TMPRSS6: variants seen among roughly 807,000 people sequenced by gnomAD.
TMPRSS6 encodes transmembrane protease serine 6.
A neutral mutation model predicts 101.5 loss-of-function variants in TMPRSS6; 67 were observed. The observed-to-expected ratio is 0.66, with a 90% CI of 0.54 to 0.81. The LOEUF is 0.81. Among genes scored for constraint, TMPRSS6 ranks in the 30% least tolerant of loss-of-function variants. TMPRSS6 has a pLI of 0.00. For missense variants in TMPRSS6, 1,034 were observed against 1,088.7 expected, an observed-to-expected ratio of 0.95 and a Z score of 0.71; for synonymous variants, 453 against 464.9, an observed-to-expected ratio of 0.97 and a Z score of 0.33.
At chr22:37,105,050 G>A (rs73884549) in intron 1 of TMPRSS6, among the ~76,000 whole-genome samples, 2 of 152,122 alleles carry the variant, frequency 1.3e-5, no homozygotes, top group African/African-American at 2.4e-5. Context: ...TTTACACAGC[G>A]GGTTTCCAAA....
At chr22:37,070,122 G>C (rs576354904) in intron 15 of TMPRSS6, among the ~76,000 whole-genome samples, 34 of 152,184 alleles carry the variant, frequency 2.2e-4, no homozygotes, top group Non-Finnish European at 4.0e-4. Context: ...ACCTCGGGGA[G>C]TGTCATAGCT....
At chr22:37,068,107 T>G (rs1926506024) in intron 16 of TMPRSS6, among the ~76,000 whole-genome samples, 1 of 152,100 alleles carries the variant, frequency 6.6e-6, no homozygotes, top group African/African-American at 2.4e-5. Context: ...TTCCTGCATC[T>G]CCCCATCCAT....
At chr22:37,068,735 G>C in intron 16 of TMPRSS6, 1 of 777,854 alleles carries the variant, frequency 1.3e-6, no homozygotes, top group Non-Finnish European at 2.4e-6. Context: ...CCTGGATGTG[G>C]AAAGTGCTAG....
chr22:37,078,717 CGGA>C (rs1377729887), intron 10 of TMPRSS6, among the ~76,000 whole-genome samples: 2 of 36,934 alleles, frequency 5.4e-5, no homozygotes, highest in South Asian at 5.0e-4. Context: ...AAGGAGGAGG[CGGA>C]GGAGAAGAAG....
intron 13 of TMPRSS6, 27 bp from the exon 14 acceptor site, chr22:37,071,059 C>T: frequency 6.2e-7 from 1 of 1,604,942 alleles, no homozygotes; most frequent in Non-Finnish European, 8.5e-7. Context: ...GGGGGCAGGG[C>T]ACAGAAGGTG....
chr22:37,068,810 G>T, intron 16 of TMPRSS6: 1 of 717,866 alleles, frequency 1.4e-6, no homozygotes, highest in African/African-American at 1.7e-5. Flanking sequence ...GTGGGCAGTG[G>T]CGTCCCAGAC....
Position 37,073,540 on chromosome 22 carries a change from C to A in TMPRSS6, c.1547G>T (p.Cys516Phe). 1 of 1,612,454 alleles carries A rather than the reference C, an allele frequency of 6.2e-7. No individual in the cohort carries two copies. Among genetic ancestry groups the A allele is most frequent in the Non-Finnish European group, 8.5e-7 (1 of 1,178,520 alleles). ...DCLNGSDEEQCQEGVPCGTFT... is the reference protein window; with the variant it reads ...DCLNGSDEEQFQEGVPCGTFT... ...GGCTAGGCCTGCCCTACCTTCCTGG[C>A]ACTGCTCTTCGTCGCTGCCGTTGAG... Residue 516 changes from cysteine to phenylalanine, a missense_variant, in exon 13 of 18, where the codon TGC becomes TTC. Physicochemically the swap from Cys to Phe is radical, Grantham distance 205. Transcript: ENST00000676104.
chr22:37,091,333 T>C (rs890537924), intron 6 of TMPRSS6, among the ~76,000 whole-genome samples: 8 of 152,164 alleles, frequency 5.3e-5, no homozygotes, highest in African/African-American at 1.9e-4. Context: ...TTTCTCTGCT[T>C]TAAATCGTCT....
chr22:37,070,528 A>C lies in TMPRSS6; in HGVS notation c.1797T>G (p.Ala599=). The change falls in exon 15 of 18, where the codon GCT becomes GCG. Residue 599 remains alanine (A), a synonymous_variant. Transcript: ENST00000676104. ...GGGCAGCTGTTATCACCCAGCGGTCAGCGATGAGGGCCCCCCCACAGATGT... is the reference window on the plus strand; with the variant it reads ...GGGCAGCTGTTATCACCCAGCGGTCCGCGATGAGGGCCCCCCCACAGATGT... The part of the protein sequence containing the change: ...GRHICGGALI[A]DRWVITAAHC... The C allele has an allele frequency of 1.2e-6, 2 of 1,613,416 alleles. No homozygotes were observed. The highest frequency in any genetic ancestry group is 1.7e-6 in the Non-Finnish European group (2 of 1,180,010).
At position 37,089,646 on chromosome 22, in the gene TMPRSS6, C is replaced by T; in HGVS notation, c.768G>A (p.Leu256=). 2 of 1,612,994 alleles carry T rather than the reference C, an allele frequency of 1.2e-6. No homozygotes were observed. Among genetic ancestry groups the T allele is most frequent in the Admixed American group, 1.7e-5 (1 of 59,976 alleles). The part of the protein sequence containing the change: ...LMLKLRLEWT[L]AECRDRLAMY... ...TGGCCAGTCGGTCCCGGCACTCTGC[C>T]AGCGTCCACTCCAGCCGGAGTTTGA... The change falls in exon 7 of 18, where the codon CTG becomes CTA. Residue 256 remains leucine, a synonymous_variant. Transcript: ENST00000676104.
chr22:37,103,531 TAAC>T lies in TMPRSS6; in HGVS notation c.-1-116_-1-114del, dbSNP rs1336523919. On this transcript the variant is annotated intron_variant, in intron 1 of 17. Coordinates refer to ENST00000676104, the MANE Select transcript of TMPRSS6 (RefSeq NM_001374504.1). The surrounding 1 kb of genome is among the most constrained non-coding windows in gnomAD (Gnocchi z 4.4). ...TTCCCTGCCTTTTGGAGTGGAAGAG[TAAC>T]AACATCAGGCGGCAGTGACTGCAAG... The T allele has an allele frequency of 1.2e-6, 2 of 1,613,678 alleles. No homozygotes were observed. The highest frequency in any genetic ancestry group is 1.7e-6 in the Non-Finnish European group (2 of 1,179,934).
chr22:37,091,355 C>T (rs1929244930), intron 6 of TMPRSS6, among the ~76,000 whole-genome samples: 1 of 152,166 alleles, frequency 6.6e-6, no homozygotes, highest in Non-Finnish European at 1.5e-5. Context: ...CTTTGGAAGG[C>T]CACAGGCAAG....
intron 17 of TMPRSS6, 90 bp downstream of exon 17, chr22:37,066,736 G>T: frequency 6.4e-7 from 1 of 1,567,850 alleles, no homozygotes; most frequent in East Asian, 2.3e-5. Flanking sequence ...GGAGGCTTCA[G>T]CAGGCTGATG....
intron 13 of TMPRSS6, among the ~76,000 whole-genome samples, chr22:37,072,618 ACGAT>A (rs754745017): frequency 0.019 from 2,071 of 111,450 alleles, 38 homozygotes; most frequent in Non-Finnish European, 0.026. Context: ...TGGATGATGG[ACGAT>A]GGATGGATGG....
At chr22:37,092,402 A>G (rs1379672118) in intron 6 of TMPRSS6, among the ~76,000 whole-genome samples, 2 of 152,170 alleles carry the variant, frequency 1.3e-5, no homozygotes, top group East Asian at 3.9e-4. Context: ...ACAACAGCTC[A>G]TTGCAGCCTC....
chr22:37,102,343 T>G (rs1452219430), intron 2 of TMPRSS6, among the ~76,000 whole-genome samples: 2 of 152,238 alleles, frequency 1.3e-5, no homozygotes, highest in Non-Finnish European at 2.9e-5. Flanking sequence ...CCCCAGAACC[T>G]GGCACACAGG....
intron 3 of TMPRSS6, 50 bp downstream of exon 3, chr22:37,098,366 T>C: frequency 6.2e-7 from 1 of 1,611,886 alleles, no homozygotes; most frequent in Non-Finnish European, 8.5e-7. Flanking sequence ...CCCACCCCTC[T>C]CTTTTCACCC....
chr22:37,071,007 GAA>G lies in TMPRSS6; in HGVS notation c.1579_1580del (p.Phe527ProfsTer3). The G allele has an allele frequency of 6.2e-7, 1 of 1,613,058 alleles. No individual in the cohort carries two copies. The stretch of plus-strand genomic sequence containing the variant: ...TCACGCAGCTCCGGTCCTCACACTG[GAA>G]GGTGAATGTCCCACATGGCACCCCT... ...QEGVPCGTFT[F>X]QCEDRSCVKK... On this transcript the variant is annotated frameshift_variant, in exon 14 of 18. Coordinates refer to ENST00000676104, the MANE Select transcript of TMPRSS6 (RefSeq NM_001374504.1). LOFTEE classifies it high-confidence loss of function.
rs774666379 is a variant in TMPRSS6, at chr22:37,074,717, C to A, written c.1343-9G>T. On this transcript the variant is annotated splice_polypyrimidine_tract_variant and intron_variant, in intron 11 of 17. Coordinates refer to ENST00000676104, the MANE Select transcript of TMPRSS6 (RefSeq NM_001374504.1). ...GAACTCTCCAGGGCAGGCTGCAAAA[C>A]CACAGGGGACCGTGGAGGCAGGCAG... 1 of 1,613,976 alleles carries A rather than the reference C, an allele frequency of 6.2e-7. No individual in the cohort carries two copies. Among genetic ancestry groups the A allele is most frequent in the East Asian group, 2.2e-5 (1 of 44,884 alleles).
Sources: gnomAD v4.1 joint callset for allele counts (sites outside exome capture counted in the v4.1 genomes callset) on GRCh38, gnomAD v4.1.1 for gene constraint, Gnocchi (gnomAD v3.1) non-coding constraint, MANE v1.5 for transcripts, NCBI Gene and HGNC (gene_info 2026-07-23, HGNC 2026-07-21) for gene names.